The following SEC14L3 variants were observed in gnomAD, a reference collection of about 807,000 sequenced individuals.
SEC14L3 encodes SEC14-like protein 3.
SEC14L3 carries 56 observed loss-of-function variants against 57.4 expected under a neutral mutation model. The observed-to-expected ratio is 0.97, with a 90% CI of 0.79 to 1.22. The LOEUF (loss-of-function observed/expected upper bound fraction) is 1.22. Among genes scored for constraint, SEC14L3 ranks in the 50% most tolerant of loss-of-function variants. The probability of loss-of-function intolerance (pLI) is 0.00; values close to 1 mark genes in which losing one functional copy is unlikely to be tolerated. For missense variants in SEC14L3, 485 were observed against 511.7 expected, an observed-to-expected ratio of 0.95 and a Z score of 0.50; for synonymous variants, 173 against 194.4, an observed-to-expected ratio of 0.89 and a Z score of 0.92.
rs577618312 is a variant in SEC14L3, at chr22:30,469,625, G to T, written c.234+394C>A. ...CAGGATGCTTTAGGCAATGCCTTAG[G>T]GGGCAGGGGTGCAGAAGCACAGGCT... On this transcript the variant is annotated intron_variant, in intron 4 of 11. Coordinates refer to ENST00000215812, the MANE Select transcript of SEC14L3 (RefSeq NM_174975.5). Among the ~76,000 whole-genome samples the T allele has an allele frequency of 1.2e-4, 18 of 152,310 alleles. No homozygotes were observed. In the South Asian group the frequency reaches 3.7e-3, roughly 32 times the overall value.
chr22:30,456,990 C>T (rs1330679480), downstream of SEC14L3, among the ~76,000 whole-genome samples: 1 of 152,172 alleles, frequency 6.6e-6, no homozygotes, highest in South Asian at 2.1e-4. Flanking sequence ...GTGCAAGTCC[C>T]CTCCACTCAG....
exon 13 of SEC14L3, chr22:30,448,612 C>T (rs1934922454): frequency 6.9e-6 from 1 of 145,912 alleles, no homozygotes. Flanking sequence ...GTGGCTCACA[C>T]ATGTAATCCT....
chr22:30,461,250 A>G (rs1935246182), intron 11 of SEC14L3, 60 bp downstream of exon 11: 1 of 1,522,204 alleles, frequency 6.6e-7, no homozygotes, highest in Non-Finnish European at 8.8e-7. Context: ...TTCCTTCTCT[A>G]AAGCATGGGA....
chr22:30,454,338 G>A (rs1038451272), downstream of SEC14L3, among the ~76,000 whole-genome samples: 1 of 151,750 alleles, frequency 6.6e-6, no homozygotes, highest in Non-Finnish European at 1.5e-5. Flanking sequence ...CACAAGATGG[G>A]GCTGGTGACT....
At chr22:30,449,831 T>C (rs5753150) in intron 12 of SEC14L3, among the ~76,000 whole-genome samples, 106,198 of 152,056 alleles carry the variant, frequency 0.7, 38,149 homozygotes, top group African/African-American at 0.86. Flanking sequence ...TCCCAAAGTG[T>C]TGGGATTACA....
At chr22:30,467,339 T>C (rs1203909579) in intron 5 of SEC14L3, among the ~76,000 whole-genome samples, 1 of 152,024 alleles carries the variant, frequency 6.6e-6, no homozygotes, top group Non-Finnish European at 1.5e-5. Context: ...ATCAATTAAT[T>C]GAACCATCCA....
At chr22:30,470,429 A>G (rs1200288254) in intron 2 of SEC14L3, 78 bp downstream of exon 2, 7 of 1,607,112 alleles carry the variant, frequency 4.4e-6, no homozygotes, top group Non-Finnish European at 6.0e-6. Context: ...CCTGAGAGCC[A>G]TGAGACACTC....
At chr22:30,448,275 T>TG (rs2051909751) in exon 13 of SEC14L3, 1 of 152,304 alleles carries the variant, frequency 6.6e-6, no homozygotes, top group African/African-American at 2.4e-5. Context: ...CTCTGACCCC[T>TG]GGGGTCCCTT....
chr22:30,456,183 C>T (rs966157489), downstream of SEC14L3, among the ~76,000 whole-genome samples: 11 of 151,554 alleles, frequency 7.3e-5, no homozygotes, highest in Non-Finnish European at 1.2e-4. Context: ...CATGTGTTCC[C>T]TGCTACTTGG....
At chr22:30,462,388 C>CA in intron 8 of SEC14L3, 196 bp from the exon 9 acceptor site, 1 of 402,890 alleles carries the variant, frequency 2.5e-6, no homozygotes, top group Non-Finnish European at 3.4e-6. Context: ...AATGTGTTTC[C>CA]CGCCTTGATA....
Position 30,461,544 on chromosome 22 carries a change from C to T in SEC14L3, c.911+11G>A. ...CTGATGGGTCTCTGAGGGGTTAGGG[C>T]CTGCCCCTACCTGAGAACGCAGCCT... On this transcript the variant is annotated intron_variant, in intron 10 of 11. Coordinates refer to ENST00000215812, the MANE Select transcript of SEC14L3 (RefSeq NM_174975.5). 2 of 1,613,896 alleles carry T rather than the reference C, an allele frequency of 1.2e-6. No homozygotes were observed. The highest frequency in any genetic ancestry group is 1.7e-6 in the Non-Finnish European group (2 of 1,179,974).
chr22:30,470,493 A>T lies in SEC14L3; in HGVS notation c.130+14T>A, dbSNP rs769663979. ...ATGCCCCCTGATCCCAACCTCTCCC[A>T]CCTCTGCCCTCACCTCGGAGCCAGC... On this transcript the variant is annotated intron_variant, in intron 2 of 11. Transcript: ENST00000215812. The T allele has an allele frequency of 2.2e-5, 36 of 1,613,672 alleles. No homozygotes were observed. Among genetic ancestry groups the T allele is most frequent in the Non-Finnish European group, 2.7e-5 (32 of 1,179,974 alleles).
downstream of SEC14L3, among the ~76,000 whole-genome samples, chr22:30,447,805 T>G (rs371208533): frequency 9.7e-4 from 148 of 152,016 alleles, no homozygotes; most frequent in African/African-American, 3.3e-3. Context: ...AGGGCTGGGG[T>G]GGGTGTCGCT....
chr22:30,463,349 C>A (rs1012650939), intron 8 of SEC14L3, among the ~76,000 whole-genome samples: 22 of 152,354 alleles, frequency 1.4e-4, no homozygotes, highest in African/African-American at 5.1e-4. Context: ...CCCGGTCCCC[C>A]AACCCCCTCA....
rs578144959 is a variant in SEC14L3, at chr22:30,464,752, G to A, written c.664+68C>T. On this transcript the variant is annotated intron_variant, in intron 8 of 11. Transcript: ENST00000215812. Reference sequence around the variant, plus strand: ...AACCTAATGTGTGGAGTTCTAGATGGGGTAATGGGACAACCTCACTCCAAA... The same window carrying A: ...AACCTAATGTGTGGAGTTCTAGATGAGGTAATGGGACAACCTCACTCCAAA... The A allele has an allele frequency of 5.9e-5, 84 of 1,419,424 alleles. No individual in the cohort carries two copies. The Admixed American group carries it at 1.1e-3, about 19-fold the overall frequency. The allele number at this position is 1,419,424 out of a possible 1,614,324, so 87.9% of individuals were successfully genotyped here.
chr22:30,453,211 A>C (rs1475679247), intron 12 of SEC14L3, among the ~76,000 whole-genome samples: 1 of 152,162 alleles, frequency 6.6e-6, no homozygotes, highest in East Asian at 1.9e-4. Flanking sequence ...CATACACATT[A>C]ATATAATGTA....
chr22:30,464,687 T>A, intron 8 of SEC14L3, 133 bp downstream of exon 8: 2 of 803,888 alleles, frequency 2.5e-6, no homozygotes, highest in Non-Finnish European at 2.1e-6. Context: ...TGCCTCAGCC[T>A]CCCAAAGTGC....
In SEC14L3 at chr22:30,449,784, C is replaced by T. The variant is rs554028007; in HGVS notation, c.905-540G>A. On this transcript the variant is annotated intron_variant, in intron 12 of 12. Transcript: ENST00000403066. ...TTCACCATGTTGGCCAGGCTTGTCT[C>T]GAACTCCTGGCCTCAGGTGATCCAC... Among the ~76,000 whole-genome samples the T allele has an allele frequency of 3.3e-5, 5 of 152,198 alleles. No homozygotes were observed. In the East Asian group the frequency reaches 5.8e-4, roughly 18 times the overall value.
At position 30,471,939 on chromosome 22, in the gene SEC14L3, T is replaced by C; in HGVS notation, c.20A>G (p.Asp7Gly). The change falls in exon 1 of 12, where the codon GAC (aspartate) becomes GGC (glycine). Residue 7 changes from aspartate to glycine, a missense_variant. Transcript: ENST00000215812. ...GGTCTCTGCCTGTTTGGGGCTCAGG[T>C]CTCCAACTCGGCCGCTCATGGTGCT... MSGRVG[D>G]LSPKQAETLA... The C allele has an allele frequency of 6.2e-7, 1 of 1,610,238 alleles. No homozygotes were observed. The highest frequency in any genetic ancestry group is 1.3e-5 in the African/African-American group (1 of 74,674).
Sources: gnomAD v4.1 joint callset for allele counts (sites outside exome capture counted in the v4.1 genomes callset) on GRCh38, gnomAD v4.1.1 for gene constraint, MANE v1.5 for transcripts, NCBI Gene and HGNC (gene_info 2026-07-23, HGNC 2026-07-21) for gene names.